Variants in ASF1A observed in about 807,000 individuals in gnomAD.
The protein encoded by ASF1A is anti-silencing function 1A histone chaperone, also known as histone chaperone ASF1A.
ASF1A carries 5 observed loss-of-function variants against 22.0 expected under a neutral mutation model. That is an observed-to-expected ratio of 0.23 (90% confidence interval 0.12 to 0.48). The LOEUF (loss-of-function observed/expected upper bound fraction) is 0.48. Ranked by LOEUF, ASF1A falls within the 20% of genes least tolerant of loss-of-function variation. ASF1A has a pLI of 0.99. For synonymous variants in ASF1A, 97 were observed against 86.7 expected (o/e 1.12, Z -0.66); for missense variants, 137 against 240.6 (o/e 0.57, Z 2.85).
intron 1 of ASF1A, among the ~76,000 whole-genome samples, chr6:118,897,069 G>GCT (rs1779471778): frequency 6.6e-6 from 1 of 151,980 alleles, no homozygotes; most frequent in Non-Finnish European, 1.5e-5. Context: ...GAACCCCTGG[G>GCT]CTCAAGCAGT....
chr6:118,906,543 T>C (rs1343458729), intron 3 of ASF1A, among the ~76,000 whole-genome samples: 1 of 152,236 alleles, frequency 6.6e-6, no homozygotes, highest in African/African-American at 2.4e-5. Flanking sequence ...TTCCCAAAAT[T>C]ATGAAAGTTT....
chr6:118,896,432 AAGAT>A (rs1482525671), intron 1 of ASF1A, among the ~76,000 whole-genome samples: 1 of 152,194 alleles, frequency 6.6e-6, no homozygotes, highest in Admixed American at 6.5e-5. Flanking sequence ...CTGAACAAAG[AAGAT>A]AGATGACTCA....
Position 118,894,353 on chromosome 6 carries a change from C to A in ASF1A, c.-61C>A. On this transcript the variant is annotated 5_prime_UTR_variant, in exon 1 of 4. Transcript: ENST00000229595. Reference sequence around the variant, plus strand: ...GTCTGCGCTCTCCCGAGCGGCCGCGCGCTGGACTTTATTGTGCCGCAACCA... The same window carrying A: ...GTCTGCGCTCTCCCGAGCGGCCGCGAGCTGGACTTTATTGTGCCGCAACCA... 1 of 1,532,132 alleles carries A rather than the reference C, an allele frequency of 6.5e-7. No homozygotes were observed. Among genetic ancestry groups the A allele is most frequent in the South Asian group, 1.2e-5 (1 of 83,722 alleles). The allele number at this position is 1,532,132 out of a possible 1,614,324, so 94.9% of individuals were successfully genotyped here.
intron 1 of ASF1A, 52 bp from the exon 2 acceptor site, chr6:118,900,714 C>T: frequency 7.8e-7 from 1 of 1,276,696 alleles, no homozygotes; most frequent in Non-Finnish European, 1.1e-6. Flanking sequence ...TTGATGTCAT[C>T]TGGTAATGTA....
At position 118,907,383 on chromosome 6, in the gene ASF1A, T is replaced by C; in HGVS notation, c.403-19T>C. The C allele has an allele frequency of 6.6e-7, 1 of 1,524,622 alleles. No individual in the cohort carries two copies. The highest frequency in any genetic ancestry group is 9.0e-7 in the Non-Finnish European group (1 of 1,115,514). 94.4% of individuals were successfully genotyped at this position (1,524,622 alleles called of 1,614,324 possible). A position where few individuals can be genotyped will look rare whatever the true frequency, so the allele number is the denominator to read the frequency against. On this transcript the variant is annotated intron_variant, in intron 3 of 3. Coordinates refer to ENST00000229595, the MANE Select transcript of ASF1A (RefSeq NM_014034.3). Reference sequence around the variant, plus strand: ...ACTTTCTTAGTGTTTACCATTTGTATGTTTCCTTTTTCCTCTAGCTTCAAA... The same window carrying C: ...ACTTTCTTAGTGTTTACCATTTGTACGTTTCCTTTTTCCTCTAGCTTCAAA...
At chr6:118,895,626 C>G (rs1450121621) in intron 1 of ASF1A, among the ~76,000 whole-genome samples, 1 of 151,932 alleles carries the variant, frequency 6.6e-6, no homozygotes, top group East Asian at 1.9e-4. Context: ...CTTAAAAATA[C>G]GTATTTTTAA....
At chr6:118,900,978 A>G (rs1285345516) in intron 2 of ASF1A, 97 bp downstream of exon 2, 2 of 852,882 alleles carry the variant, frequency 2.3e-6, no homozygotes, top group Non-Finnish European at 3.9e-6. Flanking sequence ...CTTTTGGGTT[A>G]AAGAACTGCT....
intron 2 of ASF1A, among the ~76,000 whole-genome samples, chr6:118,903,822 A>G (rs1240029548): frequency 6.6e-6 from 1 of 152,186 alleles, no homozygotes; most frequent in Non-Finnish European, 1.5e-5. Context: ...CCTGGGCTCA[A>G]GTGATCCACC....
rs1263697530 is a variant in ASF1A at position 118,905,759 on chromosome 6, T to C, written c.333T>C (p.Tyr111=). 2.5e-6 allele frequency: 4 copies of C among 1,613,322 alleles called. No homozygotes were observed. Among genetic ancestry groups the C allele is most frequent in the South Asian group, 2.2e-5 (2 of 91,026 alleles). The change falls in exon 3 of 4, where the codon TAT becomes TAC. Residue 111 remains tyrosine (Y), a synonymous_variant. Coordinates refer to ENST00000229595, the MANE Select transcript of ASF1A (RefSeq NM_014034.3). The stretch of plus-strand genomic sequence containing the variant: ...GACAAGAATTTATTAGAGTTGGCTA[T>C]TATGTAAATAATGAATATACTGAGA... The part of the protein sequence containing the change: ...YRGQEFIRVG[Y]YVNNEYTETE...
intron 1 of ASF1A, among the ~76,000 whole-genome samples, chr6:118,898,962 A>G (rs1321196808): frequency 6.6e-6 from 1 of 152,104 alleles, no homozygotes; most frequent in Non-Finnish European, 1.5e-5. Flanking sequence ...CCTATTCAGT[A>G]TCTCTGCTTA....
chr6:118,905,116 G>A (rs1780086435), intron 2 of ASF1A, among the ~76,000 whole-genome samples: 1 of 152,174 alleles, frequency 6.6e-6, no homozygotes, highest in African/African-American at 2.4e-5. Context: ...GATTACAAGT[G>A]TAAGCAACCA....
At chr6:118,903,789 G>A (rs1196844782) in intron 2 of ASF1A, among the ~76,000 whole-genome samples, 1 of 152,236 alleles carries the variant, frequency 6.6e-6, no homozygotes, top group African/African-American at 2.4e-5. Flanking sequence ...GTTTCGCCAT[G>A]TGGCCCAGGA....
intron 1 of ASF1A, 66 bp downstream of exon 1, chr6:118,894,588 C>T (rs1427196375): frequency 1.5e-6 from 2 of 1,348,820 alleles, no homozygotes; most frequent in African/African-American, 1.4e-5. Flanking sequence ...GTTTCCCGGG[C>T]CGGGCCTCGC....
chr6:118,894,516 T>G lies in ASF1A; in HGVS notation c.103T>G (p.Ser35Ala). Reference sequence around the variant, plus strand: ...CACCTTCGAGTGCATCGAGGACCTGTCTGAAGGTGAGTGCGGCGCCCGTGC... The same window carrying G: ...CACCTTCGAGTGCATCGAGGACCTGGCTGAAGGTGAGTGCGGCGCCCGTGC... ...EITFECIEDL[S>A]EDLEWKIIYV... Residue 35 changes from serine to alanine, a missense_variant, in exon 1 of 4, where the codon TCT (serine) becomes GCT (alanine). Ser to Ala is a moderately conservative substitution (Grantham distance 99). Around this residue, in one of 2 missense-constraint regions of ASF1A, gnomAD observed 96 missense variants for 196.7 expected, o/e 0.49. Transcript: ENST00000229595. 6.5e-7 allele frequency: 1 copy of G among 1,536,968 alleles called. No homozygotes were observed. The highest frequency in any genetic ancestry group is 8.7e-7 in the Non-Finnish European group (1 of 1,146,678).
intron 2 of ASF1A, among the ~76,000 whole-genome samples, chr6:118,904,199 C>A (rs1780006003): frequency 6.6e-6 from 1 of 152,114 alleles, no homozygotes; most frequent in Non-Finnish European, 1.5e-5. Context: ...TAGGAGATGA[C>A]ATGAATTCAG....
intron 2 of ASF1A, among the ~76,000 whole-genome samples, chr6:118,904,254 A>G (rs1487772262): frequency 6.6e-6 from 1 of 152,184 alleles, no homozygotes; most frequent in Non-Finnish European, 1.5e-5. Context: ...GATGTAGGAG[A>G]TAAGGGAGTG....
intron 2 of ASF1A, among the ~76,000 whole-genome samples, 197 bp from the exon 3 acceptor site, chr6:118,905,455 A>T (rs538986684): frequency 3.3e-4 from 51 of 152,324 alleles, no homozygotes; most frequent in African/African-American, 1.2e-3. Flanking sequence ...CCTTACATAT[A>T]TTGTGGCAAA....
At chr6:118,895,568 A>T (rs1045652508) in intron 1 of ASF1A, among the ~76,000 whole-genome samples, 1 of 152,128 alleles carries the variant, frequency 6.6e-6, no homozygotes, top group Non-Finnish European at 1.5e-5. Flanking sequence ...TCAACTCCTC[A>T]TGTCAGTCCA....
rs117399959 is a variant in ASF1A at position 118,903,564 on chromosome 6, C to T, written c.226-2088C>T. Among the ~76,000 whole-genome samples the T allele has an allele frequency of 7.9e-3, 1,198 of 152,038 alleles. 8 individuals carry two copies. The highest frequency in any genetic ancestry group is 0.012 in the Non-Finnish European group (833 of 67,992). Reference sequence around the variant, plus strand: ...GCATACGTTCTTAGATAATTTGTGACAAGAAATATCAGCACATAAAAAAGG... The same window carrying T: ...GCATACGTTCTTAGATAATTTGTGATAAGAAATATCAGCACATAAAAAAGG... On this transcript the variant is annotated intron_variant, in intron 2 of 3. Transcript: ENST00000229595.
Sources: allele counts gnomAD v4.1 joint callset (sites outside exome capture counted in the v4.1 genomes callset), GRCh38; gene constraint gnomAD v4.1.1; regional missense constraint gnomAD v4.1.1; transcripts MANE v1.5; gene names NCBI Gene and HGNC (gene_info 2026-07-23, HGNC 2026-07-21).